ST7: variants seen among roughly 807,000 people sequenced by gnomAD.
ST7 encodes the protein suppressor of tumorigenicity 7 protein.
Under a neutral mutation model 78.7 loss-of-function variants are expected in ST7, and 28 were observed. The ratio of observed to expected loss-of-function variants is 0.36; its 90% CI spans 0.26 to 0.49. ST7 has a LOEUF of 0.49. Ranked by LOEUF, ST7 falls within the 20% of genes least tolerant of loss-of-function variation. The probability of loss-of-function intolerance (pLI) is 0.99; values close to 1 mark genes in which losing one functional copy is unlikely to be tolerated. For synonymous variants in ST7, 247 were observed against 249.6 expected (o/e 0.99, Z 0.10); for missense variants, 418 against 696.0 (o/e 0.60, Z 4.49).
chr7:117,087,002 T>G (rs1800199372), intron 1 of ST7, among the ~76,000 whole-genome samples: 1 of 152,214 alleles, frequency 6.6e-6, no homozygotes, highest in African/African-American at 2.4e-5. Context: ...TTACACACCC[T>G]CACCCAGGGG....
Position 117,153,502 on chromosome 7 carries a change from G to T in ST7, c.963+14970G>T, listed in dbSNP as rs569667363. On this transcript the variant is annotated intron_variant, in intron 9 of 15. Transcript: ENST00000323984. ...TCAATCAGTCAAAGGATACTTAAAA[G>T]AAGTGGCCAGAGAAGTAGGAAAAAA... Among the ~76,000 whole-genome samples, 111 of 152,276 alleles carry T rather than the reference G, an allele frequency of 7.3e-4. 3 individuals carry two copies. The South Asian group carries it at 0.022, about 30-fold the overall frequency.
chr7:116,995,955 A>G (rs945743060), intron 1 of ST7, among the ~76,000 whole-genome samples: 1 of 152,142 alleles, frequency 6.6e-6, no homozygotes, highest in Non-Finnish European at 1.5e-5. Flanking sequence ...TCTCTGCTAC[A>G]TGGCCATCTT....
At chr7:117,131,354 G>A (rs1486422610) in intron 5 of ST7, among the ~76,000 whole-genome samples, 3 of 151,792 alleles carry the variant, frequency 2.0e-5, no homozygotes, top group Non-Finnish European at 4.4e-5. Flanking sequence ...TTCAGAAACT[G>A]CTCTGATGTA....
chr7:117,207,291 C>T (rs1344786133), intron 12 of ST7, among the ~76,000 whole-genome samples: 1 of 152,034 alleles, frequency 6.6e-6, no homozygotes, highest in Non-Finnish European at 1.5e-5. Context: ...TTGTAGGCAC[C>T]CACCACCACG....
intron 1 of ST7, among the ~76,000 whole-genome samples, chr7:117,025,957 C>T (rs1563020730): frequency 6.6e-6 from 1 of 152,008 alleles, no homozygotes; most frequent in Non-Finnish European, 1.5e-5. Flanking sequence ...TTCTTATTTT[C>T]CCTTCAGTAT....
At chr7:116,984,599 A>C (rs891126333) in intron 1 of ST7, among the ~76,000 whole-genome samples, 2 of 152,122 alleles carry the variant, frequency 1.3e-5, no homozygotes, top group South Asian at 2.1e-4. Flanking sequence ...TAATGTCTGT[A>C]TGACTTAGGA....
chr7:116,958,087 G>A lies in ST7; in HGVS notation c.151+4396G>A, dbSNP rs896559934. Reference sequence around the variant, plus strand: ...CTGCAGCCTCAACCTGCAGGCTCAAGCAATCCTCCTGTCTCAGCCTGCCAC... The same window carrying A: ...CTGCAGCCTCAACCTGCAGGCTCAAACAATCCTCCTGTCTCAGCCTGCCAC... On this transcript the variant is annotated intron_variant, in intron 1 of 15. Coordinates refer to ENST00000323984, the MANE Select transcript of ST7 (RefSeq NM_001369598.1). Among the ~76,000 whole-genome samples, 4 of 151,846 alleles carry A rather than the reference G, an allele frequency of 2.6e-5. No individual in the cohort carries two copies. The South Asian group carries it at 8.3e-4, about 32-fold the overall frequency.
intron 1 of ST7, among the ~76,000 whole-genome samples, chr7:117,033,538 C>T (rs1435065156): frequency 6.6e-6 from 1 of 152,036 alleles, no homozygotes; most frequent in East Asian, 1.9e-4. Flanking sequence ...ATTCTCCTGC[C>T]TCAGCCTCCT....
intron 1 of ST7, among the ~76,000 whole-genome samples, chr7:116,963,966 A>G (rs1037850135): frequency 6.6e-6 from 1 of 152,152 alleles, no homozygotes; most frequent in Non-Finnish European, 1.5e-5. Flanking sequence ...AGTCTTTCAG[A>G]AATTTTGAGC....
At chr7:117,006,817 A>G (rs1480151050) in intron 1 of ST7, among the ~76,000 whole-genome samples, 2 of 152,128 alleles carry the variant, frequency 1.3e-5, no homozygotes, top group African/African-American at 4.8e-5. Flanking sequence ...AATATTTCAA[A>G]CCTTTTCATT....
At chr7:117,163,748 T>C (rs1045631382) in intron 9 of ST7, among the ~76,000 whole-genome samples, 6 of 152,210 alleles carry the variant, frequency 3.9e-5, no homozygotes, top group Admixed American at 3.3e-4. Context: ...GTCCGTCTTT[T>C]AACTCTGTTG....
chr7:117,155,850 A>G (rs1806648611), intron 9 of ST7, among the ~76,000 whole-genome samples: 1 of 152,176 alleles, frequency 6.6e-6, no homozygotes, highest in Non-Finnish European at 1.5e-5. Flanking sequence ...TGTGTTCACT[A>G]TGCTCCAGCC....
At chr7:116,964,943 A>G (rs1793025002) in intron 1 of ST7, among the ~76,000 whole-genome samples, 2 of 152,228 alleles carry the variant, frequency 1.3e-5, no homozygotes, top group South Asian at 4.1e-4. Context: ...ACATTATTTG[A>G]ACAAGCAAAT....
chr7:116,988,729 C>T (rs927513395), intron 1 of ST7, among the ~76,000 whole-genome samples: 5 of 151,912 alleles, frequency 3.3e-5, no homozygotes, highest in South Asian at 2.1e-4. Context: ...TAAAGGATAC[C>T]GAAAATACTT....
intron 13 of ST7, among the ~76,000 whole-genome samples, chr7:117,218,115 A>G (rs907112184): frequency 6.6e-6 from 1 of 152,230 alleles, no homozygotes; most frequent in Non-Finnish European, 1.5e-5. Context: ...GGATGTAGCT[A>G]TGATTCCTTG....
At position 117,098,739 on chromosome 7, in the gene ST7, C is replaced by T. The variant is rs555735609; in HGVS notation, c.152-1023C>T. 1.1e-4 allele frequency: 141 copies of T among 1,290,876 alleles called. 2 individuals are homozygous for T. The South Asian group carries it at 1.5e-3, about 13-fold the overall frequency. 80.0% of individuals were successfully genotyped at this position (1,290,876 alleles called of 1,614,324 possible). On this transcript the variant is annotated intron_variant, in intron 1 of 15. Transcript: ENST00000323984. ...CTCTAATGACATCAAAGCCCTACTT[C>T]TAAAACCAGACTGGATGTGATTCCC...
chr7:117,219,247 C>A lies in ST7; in HGVS notation c.1498+71C>A. ...TGGGGATTGGAAGAGGTGGGAATAT[C>A]AAAGTTTAGAATGCTCCTTGTCTTT... On this transcript the variant is annotated intron_variant, in intron 14 of 15. Transcript: ENST00000323984. This position sits in a 1 kb window ranked among gnomAD's most constrained non-coding sequence, Gnocchi z 5.1. The A allele has an allele frequency of 8.0e-7, 1 of 1,254,984 alleles. No individual in the cohort carries two copies. The highest frequency in any genetic ancestry group is 1.1e-6 in the Non-Finnish European group (1 of 882,756). The allele number at this position is 1,254,984 out of a possible 1,614,324, so 77.7% of individuals were successfully genotyped here.
At chr7:117,149,316 C>T (rs1329935087) in intron 9 of ST7, among the ~76,000 whole-genome samples, 1 of 152,130 alleles carries the variant, frequency 6.6e-6, no homozygotes, top group East Asian at 1.9e-4. Flanking sequence ...TAGTTACCAC[C>T]GACCTTCCTA....
chr7:116,971,334 C>T (rs1227977328), intron 1 of ST7, among the ~76,000 whole-genome samples: 7 of 152,164 alleles, frequency 4.6e-5, no homozygotes, highest in Non-Finnish European at 7.4e-5. Flanking sequence ...TAATGAGTTT[C>T]ACATGGCTGA....
Sources: allele counts gnomAD v4.1 joint callset (sites outside exome capture counted in the v4.1 genomes callset), GRCh38; gene constraint gnomAD v4.1.1; non-coding constraint Gnocchi (gnomAD v3.1); transcripts MANE v1.5; gene names NCBI Gene and HGNC (gene_info 2026-07-23, HGNC 2026-07-21).